Variants in ARHGAP22 observed in about 807,000 individuals in gnomAD.
ARHGAP22 encodes the protein rho GTPase-activating protein 22.
Under a neutral mutation model 59.1 loss-of-function variants are expected in ARHGAP22, and 48 were observed. The observed-to-expected ratio is 0.81, with a 90% CI of 0.64 to 1.03. The LOEUF (loss-of-function observed/expected upper bound fraction) is 1.03. ARHGAP22 is among the 50% of genes least tolerant of loss of function. The pLI is 0.00. For missense variants in ARHGAP22, 1,015 were observed against 958.7 expected, an observed-to-expected ratio of 1.06 and a Z score of -0.78; for synonymous variants, 445 against 416.4, an observed-to-expected ratio of 1.07 and a Z score of -0.84.
chr10:48,482,895 T>G (rs958468910), intron 3 of ARHGAP22, among the ~76,000 whole-genome samples: 1 of 152,118 alleles, frequency 6.6e-6, no homozygotes, highest in African/African-American at 2.4e-5. Flanking sequence ...TCTAACTCTA[T>G]GTGTGTACCC....
intron 2 of ARHGAP22, among the ~76,000 whole-genome samples, chr10:48,565,175 C>G (rs537369736): frequency 7.1e-6 from 1 of 141,476 alleles, no homozygotes; most frequent in Non-Finnish European, 1.5e-5. Flanking sequence ...CTGACTACTG[C>G]TTAGTGATAG....
intron 3 of ARHGAP22, among the ~76,000 whole-genome samples, chr10:48,531,815 G>C (rs1201021549): frequency 6.6e-6 from 1 of 152,156 alleles, no homozygotes; most frequent in African/African-American, 2.4e-5. Flanking sequence ...GTTTTTTGGG[G>C]AAAAGGAATG....
chr10:48,453,992 C>G, intron 7 of ARHGAP22, 96 bp downstream of exon 7: 1 of 1,314,880 alleles, frequency 7.6e-7, no homozygotes, highest in East Asian at 2.3e-5. Flanking sequence ...ACCCGGGCCC[C>G]CCTCTGACAA....
chr10:48,493,735 C>A lies in ARHGAP22; in HGVS notation c.323-13971G>T, dbSNP rs182296514. The A allele has an allele frequency of 1.1e-4, 132 of 1,156,874 alleles. 1 individual carries two copies. The highest frequency in any genetic ancestry group is 1.4e-4 in the Non-Finnish European group (125 of 879,964). 71.7% of individuals were successfully genotyped at this position (1,156,874 alleles called of 1,614,324 possible). A position where few individuals can be genotyped will look rare whatever the true frequency, so the allele number is the denominator to read the frequency against. ...GGCAAGAAGGACTTGCTGGGATCCC[C>A]GCCAGTGGGAGGTCGGCGTGGTTGT... On this transcript the variant is annotated intron_variant, in intron 3 of 9. Transcript: ENST00000249601.
At chr10:48,457,649 C>G (rs1195991767) in intron 5 of ARHGAP22, among the ~76,000 whole-genome samples, 1 of 152,168 alleles carries the variant, frequency 6.6e-6, no homozygotes, top group Non-Finnish European at 1.5e-5. Context: ...GCCCAGTGCC[C>G]AGGGGACACT....
chr10:48,524,152 C>A, intron 3 of ARHGAP22: 1 of 1,219,584 alleles, frequency 8.2e-7, no homozygotes, highest in Non-Finnish European at 1.0e-6. Flanking sequence ...CCGCCTGCCG[C>A]CTGCGCCCCG....
chr10:48,615,448 T>C (rs11101403), intron 1 of ARHGAP22, among the ~76,000 whole-genome samples: 56,879 of 152,038 alleles, frequency 0.37, 11,554 homozygotes, highest in African/African-American at 0.55. Flanking sequence ...ATGGAAACTA[T>C]GACAAGCAGC....
intron 2 of ARHGAP22, among the ~76,000 whole-genome samples, chr10:48,570,185 T>C (rs2058308038): frequency 8.1e-6 from 1 of 123,242 alleles, no homozygotes; most frequent in African/African-American, 3.5e-5. Flanking sequence ...CATTTTGATA[T>C]GTTTAATGTG....
At chr10:48,633,269 C>A (rs1183210183) in intron 1 of ARHGAP22, among the ~76,000 whole-genome samples, 1 of 152,212 alleles carries the variant, frequency 6.6e-6, no homozygotes, top group African/African-American at 2.4e-5. Flanking sequence ...AATCTACCTT[C>A]CTCTGAGACT....
At chr10:48,640,154 C>A (rs367740022) in intron 1 of ARHGAP22, among the ~76,000 whole-genome samples, 5 of 151,984 alleles carry the variant, frequency 3.3e-5, no homozygotes, top group African/African-American at 1.2e-4. Flanking sequence ...ACAGAGTTAT[C>A]GAAATTAGCG....
At chr10:48,523,949 A>G in intron 3 of ARHGAP22, 1 of 969,500 alleles carries the variant, frequency 1.0e-6, no homozygotes. Context: ...AAGCTGAGGC[A>G]GGTGCGGGCG....
At chr10:48,640,917 T>C (rs2062018135) in intron 1 of ARHGAP22, among the ~76,000 whole-genome samples, 1 of 152,176 alleles carries the variant, frequency 6.6e-6, no homozygotes, top group Non-Finnish European at 1.5e-5. Context: ...GCTTATCATG[T>C]ATAAATAAGG....
the ARHGAP22 span, among the ~76,000 whole-genome samples, chr10:48,439,531 AT>A: frequency 3.3e-5 from 5 of 151,922 alleles, no homozygotes; most frequent in Admixed American, 3.3e-4. Context: ...TATCTGGTTG[AT>A]CTGGTCTTGG....
chr10:48,576,801 G>A (rs1407072457), intron 2 of ARHGAP22, among the ~76,000 whole-genome samples: 1 of 151,982 alleles, frequency 6.6e-6, no homozygotes, highest in Non-Finnish European at 1.5e-5. Context: ...TAATTAGTAT[G>A]CTTATGTTAC....
At chr10:48,479,473 C>G in intron 4 of ARHGAP22, 163 bp downstream of exon 4, 1 of 1,342,060 alleles carries the variant, frequency 7.5e-7, no homozygotes, top group Non-Finnish European at 1.0e-6. Context: ...CGTTGGGTGA[C>G]TCCCGAGGGC....
chr10:48,574,636 C>G (rs560111939), intron 2 of ARHGAP22: 1 of 152,320 alleles, frequency 6.6e-6, no homozygotes, highest in African/African-American at 2.4e-5. Flanking sequence ...CTGATGGCAT[C>G]TTCATCGTAC....
intron 3 of ARHGAP22, among the ~76,000 whole-genome samples, chr10:48,522,122 T>C (rs993379273): frequency 6.6e-6 from 1 of 152,254 alleles, no homozygotes; most frequent in Admixed American, 6.5e-5. Flanking sequence ...TCTGTCTTCC[T>C]TGAACCTCAG....
At chr10:48,475,939 C>A (rs1450369894) in intron 4 of ARHGAP22, among the ~76,000 whole-genome samples, 1 of 152,228 alleles carries the variant, frequency 6.6e-6, no homozygotes, top group Non-Finnish European at 1.5e-5. Flanking sequence ...TGCTGTTCTT[C>A]CGGGATGGGC....
At chr10:48,432,492 C>G in the ARHGAP22 span, among the ~76,000 whole-genome samples, 1 of 152,044 alleles carries the variant, frequency 6.6e-6, no homozygotes, top group Non-Finnish European at 1.5e-5. Flanking sequence ...ATGGCCTTTT[C>G]TCTACAATTT....
Sources: allele counts gnomAD v4.1 joint callset (sites outside exome capture counted in the v4.1 genomes callset), GRCh38; gene constraint gnomAD v4.1.1; transcripts MANE v1.5; gene names NCBI Gene and HGNC (gene_info 2026-07-23, HGNC 2026-07-21).